The following PPP1R14C variants were observed in gnomAD, a reference collection of about 807,000 sequenced individuals.
PPP1R14C encodes the protein protein phosphatase 1 regulatory inhibitor subunit 14C, also known as protein phosphatase 1 regulatory subunit 14C.
A neutral mutation model predicts 20.4 loss-of-function variants in PPP1R14C; 16 were observed. The observed-to-expected ratio is 0.78, with a 90% confidence interval of 0.53 to 1.19. PPP1R14C has a LOEUF of 1.19. PPP1R14C is among the 50% of genes most tolerant of loss of function. The pLI, the probability that PPP1R14C is intolerant of heterozygous loss-of-function variation, is 0.00. For missense variants in PPP1R14C, 211 were observed against 220.1 expected (o/e 0.96, Z 0.26); for synonymous variants, 91 against 91.0 (o/e 1.00, Z 0.00).
chr6:150,143,524 T>A lies in PPP1R14C; in HGVS notation c.306+26T>A. 1.8e-5 allele frequency: 15 copies of A among 821,468 alleles called. No homozygotes were observed. The highest frequency in any genetic ancestry group is 2.7e-5 in the Non-Finnish European group (14 of 512,146). 50.9% of individuals were successfully genotyped at this position (821,468 alleles called of 1,614,324 possible). A position where few individuals can be genotyped will look rare whatever the true frequency, so the allele number is the denominator to read the frequency against. ...GTACCTGGGCGCGGGGCTGGGAGGG[T>A]CGGGGACCTCTCTAGCTCCTCTGTG... On this transcript the variant is annotated intron_variant, in intron 1 of 3. Coordinates refer to ENST00000361131, the MANE Select transcript of PPP1R14C (RefSeq NM_030949.3). The surrounding 1 kb of genome is among the most constrained non-coding windows in gnomAD (Gnocchi z 5.6).
Position 150,169,167 on chromosome 6 carries a change from G to T in PPP1R14C, c.306+25669G>T, listed in dbSNP as rs139248659. ...GCTGGGATTACAGGCGTGAGCCACCGTGCCCAGCCTCAATATAAAATTATC... is the reference window on the plus strand; with the variant it reads ...GCTGGGATTACAGGCGTGAGCCACCTTGCCCAGCCTCAATATAAAATTATC... On this transcript the variant is annotated intron_variant, in intron 1 of 3. Transcript: ENST00000361131. Among the ~76,000 whole-genome samples the T allele has an allele frequency of 8.8e-3, 1,345 of 152,258 alleles. 15 individuals are homozygous for T. The highest frequency in any genetic ancestry group is 0.031 in the African/African-American group (1,288 of 41,526).
At chr6:150,199,000 C>CTT (rs557858473) in intron 1 of PPP1R14C, among the ~76,000 whole-genome samples, 18 of 146,588 alleles carry the variant, frequency 1.2e-4, no homozygotes, top group Admixed American at 1.4e-4. Flanking sequence ...TAGGCTTCTT[C>CTT]TTTTTTTTTT....
chr6:150,148,416 A>G (rs1777202863), intron 1 of PPP1R14C, among the ~76,000 whole-genome samples: 1 of 152,192 alleles, frequency 6.6e-6, no homozygotes, highest in Admixed American at 6.5e-5. Context: ...CCTGGCACCT[A>G]TGTGAACCCC....
At chr6:150,183,870 C>A (rs1777648708) in intron 1 of PPP1R14C, among the ~76,000 whole-genome samples, 1 of 152,204 alleles carries the variant, frequency 6.6e-6, no homozygotes, top group South Asian at 2.1e-4. Context: ...TATAGAATCT[C>A]ATGTTGATGT....
chr6:150,203,819 C>T (rs1204714349), intron 1 of PPP1R14C, among the ~76,000 whole-genome samples: 1 of 152,200 alleles, frequency 6.6e-6, no homozygotes, highest in Non-Finnish European at 1.5e-5. Flanking sequence ...GGATGTGGAC[C>T]ATCTTCTATC....
intron 1 of PPP1R14C, among the ~76,000 whole-genome samples, chr6:150,157,996 T>C (rs1329567984): frequency 6.6e-6 from 1 of 152,196 alleles, no homozygotes; most frequent in African/African-American, 2.4e-5. Flanking sequence ...CCCACCTTCC[T>C]GGGCTGGGGG....
chr6:150,166,400 A>C (rs1777422996), intron 1 of PPP1R14C, among the ~76,000 whole-genome samples: 2 of 151,986 alleles, frequency 1.3e-5, no homozygotes, highest in African/African-American at 4.8e-5. Context: ...CTTCTTGGTA[A>C]CTGCCCTCTG....
At chr6:150,203,158 C>G (rs1777899399) in intron 1 of PPP1R14C, among the ~76,000 whole-genome samples, 8 of 152,088 alleles carry the variant, frequency 5.3e-5, no homozygotes, top group Admixed American at 5.2e-4. Flanking sequence ...ATAGATGCAC[C>G]CTTATAAGAT....
Position 150,248,912 on chromosome 6 carries a change from A to T in PPP1R14C, c.*92A>T. On this transcript the variant is annotated 3_prime_UTR_variant, in exon 4 of 4. Transcript: ENST00000361131. ...CTTTTGTGAAAGAATAGGTGTCCTT[A>T]TGAACAACGTTTTTGTTTTTTTTTT... 1.4e-6 allele frequency: 1 copy of T among 695,150 alleles called. No individual in the cohort carries two copies. Among genetic ancestry groups the T allele is most frequent in the Non-Finnish European group, 2.3e-6 (1 of 425,854 alleles). The allele number at this position is 695,150 out of a possible 1,614,324, so 43.1% of individuals were successfully genotyped here.
rs1000785135 is a variant in PPP1R14C, at chr6:150,185,754, G to A, written c.307-28990G>A. ...ACCCAAACTTTCAGTGGCTTAAACC[G>A]AGCAAGTCATATTCTCACTCGTGCT... On this transcript the variant is annotated intron_variant, in intron 1 of 3. Transcript: ENST00000361131. This position sits in a 1 kb window ranked among gnomAD's most constrained non-coding sequence, Gnocchi z 4.1. Among the ~76,000 whole-genome samples, 13 of 152,042 alleles carry A rather than the reference G, an allele frequency of 8.6e-5. No homozygotes were observed. The highest frequency in any genetic ancestry group is 8.8e-5 in the Non-Finnish European group (6 of 68,004).
In PPP1R14C at chr6:150,233,042, CCCATGGGA is replaced by C. The variant is rs560675959; in HGVS notation, c.424-15702_424-15695del. 3.2e-3 allele frequency among the ~76,000 whole-genome samples: 481 copies of C among 152,304 alleles called. 5 individuals carry two copies. Among genetic ancestry groups the C allele is most frequent in the Admixed American group, 6.3e-3 (96 of 15,304 alleles). On this transcript the variant is annotated intron_variant, in intron 3 of 3. Coordinates refer to ENST00000361131, the MANE Select transcript of PPP1R14C (RefSeq NM_030949.3). ...CTTTTGGTCATTTGAGACTGATCTG[CCCATGGGA>C]CATCTCATGGAGATCTTTGGTAGCC... is the stretch of plus-strand genomic sequence containing the variant.
chr6:150,199,511 A>G (rs1420859627), intron 1 of PPP1R14C, among the ~76,000 whole-genome samples: 1 of 152,108 alleles, frequency 6.6e-6, no homozygotes, highest in Non-Finnish European at 1.5e-5. Context: ...GGAAGCAGAC[A>G]CCTAGTCCTC....
intron 1 of PPP1R14C, chr6:150,195,204 G>A (rs1036447506): frequency 3.4e-5 from 33 of 975,686 alleles, no homozygotes; most frequent in African/African-American, 2.5e-4. Context: ...AGAGAGCTCC[G>A]GTTTATTCAC....
chr6:150,217,937 C>A (rs897551734), intron 3 of PPP1R14C, among the ~76,000 whole-genome samples: 2 of 152,164 alleles, frequency 1.3e-5, no homozygotes, highest in African/African-American at 4.8e-5. Context: ...TGCTTCCAAC[C>A]TCCAGCTTTG....
chr6:150,174,944 C>T (rs1425444730), intron 1 of PPP1R14C, among the ~76,000 whole-genome samples: 1 of 145,314 alleles, frequency 6.9e-6, no homozygotes, highest in Non-Finnish European at 1.5e-5. Context: ...GCAGCCTGGG[C>T]GACCGAGGGA....
At chr6:150,176,818 A>G (rs1777567948) in intron 1 of PPP1R14C, among the ~76,000 whole-genome samples, 1 of 152,210 alleles carries the variant, frequency 6.6e-6, no homozygotes, top group Non-Finnish European at 1.5e-5. Flanking sequence ...GGCTTCAAAC[A>G]GGACAATCCT....
At chr6:150,186,745 A>AAAG (rs1777681521) in intron 1 of PPP1R14C, among the ~76,000 whole-genome samples, 1 of 152,170 alleles carries the variant, frequency 6.6e-6, no homozygotes, top group Admixed American at 6.5e-5. Context: ...TGGCTGACTC[A>AAAG]AAGACTGAGC....
chr6:150,242,050 G>C (rs1778438254), intron 3 of PPP1R14C, among the ~76,000 whole-genome samples: 1 of 152,090 alleles, frequency 6.6e-6, no homozygotes, highest in Admixed American at 6.5e-5. Context: ...TGTTTTTGCT[G>C]TCTCATACAG....
At chr6:150,248,351 C>A (rs1330004327) in intron 3 of PPP1R14C, among the ~76,000 whole-genome samples, 1 of 152,192 alleles carries the variant, frequency 6.6e-6, no homozygotes, top group African/African-American at 2.4e-5. Flanking sequence ...ACTGGCATCA[C>A]CTGTGAGCTA....
Sources: gnomAD v4.1 joint callset for allele counts (sites outside exome capture counted in the v4.1 genomes callset) on GRCh38, gnomAD v4.1.1 for gene constraint, Gnocchi (gnomAD v3.1) non-coding constraint, MANE v1.5 for transcripts, NCBI Gene and HGNC (gene_info 2026-07-23, HGNC 2026-07-21) for gene names.